Variants in ANGPT1 observed in about 807,000 individuals in gnomAD.
ANGPT1 encodes the protein angiopoietin-1.
In ANGPT1, 17 loss-of-function variants were observed where a neutral mutation model predicts 62.2. The ratio of observed to expected loss-of-function variants is 0.27; its 90% CI spans 0.19 to 0.41. The LOEUF (loss-of-function observed/expected upper bound fraction) is 0.41. Among genes scored for constraint, ANGPT1 ranks in the 10% least tolerant of loss-of-function variants. The pLI, the probability that ANGPT1 is intolerant of heterozygous loss-of-function variation, is 1.00. For synonymous variants in ANGPT1, 199 were observed against 198.9 expected, an observed-to-expected ratio of 1.00 and a Z score of 0.00; for missense variants, 478 against 594.9, an observed-to-expected ratio of 0.80 and a Z score of 2.04.
chr8:107,428,018 A>G (rs780233456), intron 1 of ANGPT1, among the ~76,000 whole-genome samples: 3 of 152,206 alleles, frequency 2.0e-5, no homozygotes, highest in Admixed American at 1.3e-4. Flanking sequence ...TGAAGAAGCC[A>G]TATTTTGAAA....
At chr8:107,458,511 A>T (rs914644736) in intron 1 of ANGPT1, among the ~76,000 whole-genome samples, 1 of 152,174 alleles carries the variant, frequency 6.6e-6, no homozygotes, top group African/African-American at 2.4e-5. Context: ...AAGAAAAAAT[A>T]ATTTAAAATA....
At chr8:107,391,139 A>G (rs1237358523) in intron 1 of ANGPT1, among the ~76,000 whole-genome samples, 1 of 152,128 alleles carries the variant, frequency 6.6e-6, no homozygotes, top group Non-Finnish European at 1.5e-5. Context: ...TAACTCACAA[A>G]TGTAGATGTC....
intron 1 of ANGPT1, among the ~76,000 whole-genome samples, chr8:107,460,879 C>A (rs572177226): frequency 6.6e-6 from 1 of 152,080 alleles, no homozygotes; most frequent in Non-Finnish European, 1.5e-5. Context: ...TTTAATTAAA[C>A]TAAGCAATTT....
Position 107,497,727 on chromosome 8 carries a change from G to C in ANGPT1, c.-169C>G. The stretch of plus-strand genomic sequence containing the variant: ...AGAAAACTAGCCATTTGTTAGCTTT[G>C]TTCTAAAATTTTAAAATTTTTTATT... On this transcript the variant is annotated 5_prime_UTR_variant, in exon 1 of 9. Coordinates refer to ENST00000517746, the MANE Select transcript of ANGPT1 (RefSeq NM_001146.5). 1.3e-6 allele frequency: 1 copy of C among 750,740 alleles called. No individual in the cohort carries two copies. The highest frequency in any genetic ancestry group is 2.0e-6 in the Non-Finnish European group (1 of 487,890). 46.5% of individuals were successfully genotyped at this position (750,740 alleles called of 1,614,324 possible).
intron 1 of ANGPT1, among the ~76,000 whole-genome samples, chr8:107,443,260 A>ATT (rs1811525439): frequency 6.6e-6 from 1 of 152,190 alleles, no homozygotes; most frequent in Non-Finnish European, 1.5e-5. Flanking sequence ...CTCTCCAGTG[A>ATT]ATACCTTTGG....
At chr8:107,403,865 A>T (rs1212972914) in intron 1 of ANGPT1, among the ~76,000 whole-genome samples, 1 of 152,162 alleles carries the variant, frequency 6.6e-6, no homozygotes, top group Admixed American at 6.6e-5. Context: ...TTTTTATCAA[A>T]ATTTGTTTTG....
intron 3 of ANGPT1, among the ~76,000 whole-genome samples, chr8:107,325,028 G>GT (rs1815253636): frequency 6.6e-6 from 1 of 152,166 alleles, no homozygotes; most frequent in Admixed American, 6.5e-5. Flanking sequence ...GGTAAGCAGT[G>GT]TAAGATGAAA....
chr8:107,486,181 CA>C (rs1394309552), intron 1 of ANGPT1, among the ~76,000 whole-genome samples: 2 of 152,174 alleles, frequency 1.3e-5, no homozygotes, highest in East Asian at 3.9e-4. Context: ...AAGACAACTA[CA>C]GAAAAATTTT....
chr8:107,429,178 A>G (rs10113857), intron 1 of ANGPT1, among the ~76,000 whole-genome samples: 39 of 152,206 alleles, frequency 2.6e-4, no homozygotes, highest in African/African-American at 8.7e-4. Context: ...ATATGTCACA[A>G]TGTCAAGCTG....
At chr8:107,419,998 A>T (rs138255345) in intron 1 of ANGPT1, among the ~76,000 whole-genome samples, 141 of 152,314 alleles carry the variant, frequency 9.3e-4, no homozygotes, top group African/African-American at 3.2e-3. Flanking sequence ...ATAAAGAGGA[A>T]TCTTAGGTTT....
chr8:107,342,782 TACACACACACACACACACACACACACAC>T (rs751210643), intron 2 of ANGPT1, among the ~76,000 whole-genome samples: 2 of 138,556 alleles, frequency 1.4e-5, no homozygotes, highest in Admixed American at 7.3e-5. Flanking sequence ...AACTGCCTAA[TACACACACACACACACACACACACACAC>T]ACACACACAC....
intron 1 of ANGPT1, among the ~76,000 whole-genome samples, chr8:107,369,921 T>C (rs112858369): frequency 6.6e-6 from 1 of 151,924 alleles, no homozygotes; most frequent in Non-Finnish European, 1.5e-5. Context: ...GAGGTTTGCT[T>C]GAGCCCAGGA....
chr8:107,404,169 C>G (rs1417487043), intron 1 of ANGPT1, among the ~76,000 whole-genome samples: 4 of 152,102 alleles, frequency 2.6e-5, no homozygotes, highest in Non-Finnish European at 5.9e-5. Context: ...TTCACAGTTT[C>G]AACTAGCCTG....
At chr8:107,284,385 T>C (rs962962743) in intron 7 of ANGPT1, 17 of 181,740 alleles carry the variant, frequency 9.4e-5, no homozygotes, top group Non-Finnish European at 1.4e-4. Flanking sequence ...CAGTTTTATA[T>C]ATATGAATTC....
chr8:107,331,486 A>C (rs914553812), intron 3 of ANGPT1, among the ~76,000 whole-genome samples: 3 of 152,204 alleles, frequency 2.0e-5, no homozygotes, highest in African/African-American at 7.2e-5. Flanking sequence ...CATCAATTAT[A>C]CTTGAGGCCT....
At chr8:107,331,102 T>C (rs914666426) in intron 3 of ANGPT1, among the ~76,000 whole-genome samples, 11 of 152,188 alleles carry the variant, frequency 7.2e-5, no homozygotes, top group African/African-American at 2.7e-4. Flanking sequence ...AAATAATTTA[T>C]CAAATGAAAG....
intron 1 of ANGPT1, among the ~76,000 whole-genome samples, chr8:107,373,963 C>T (rs1317399665): frequency 1.3e-5 from 2 of 152,192 alleles, no homozygotes. Flanking sequence ...CTTCTTTCTC[C>T]AGTGAAAGTC....
chr8:107,306,838 A>C (rs1814729786), intron 4 of ANGPT1, among the ~76,000 whole-genome samples: 3 of 151,962 alleles, frequency 2.0e-5, no homozygotes, highest in South Asian at 4.2e-4. Flanking sequence ...TGAGGCCAGG[A>C]GTTCAAGACC....
chr8:107,271,777 T>A (rs1813741995), intron 7 of ANGPT1, among the ~76,000 whole-genome samples: 1 of 151,994 alleles, frequency 6.6e-6, no homozygotes, highest in African/African-American at 2.4e-5. Flanking sequence ...AATGTTTATC[T>A]TTTAATAAAT....
Sources: allele counts gnomAD v4.1 joint callset (sites outside exome capture counted in the v4.1 genomes callset), GRCh38; gene constraint gnomAD v4.1.1; transcripts MANE v1.5; gene names NCBI Gene and HGNC (gene_info 2026-07-23, HGNC 2026-07-21).